The following SUSD4 variants were observed in gnomAD, a reference collection of about 807,000 sequenced individuals.
SUSD4 encodes sushi domain-containing protein 4.
Under a neutral mutation model 50.5 loss-of-function variants are expected in SUSD4, and 41 were observed. That is an observed-to-expected ratio of 0.81 (90% CI 0.63 to 1.05). The LOEUF is 1.05. Among genes scored for constraint, SUSD4 ranks in the 50% least tolerant of loss-of-function variants. The pLI is 0.00. For synonymous variants in SUSD4, 257 were observed against 257.3 expected (o/e 1.00, Z 0.01); for missense variants, 580 against 634.7 (o/e 0.91, Z 0.93).
Position 223,228,182 on chromosome 1 carries a change from C to A in SUSD4, c.917-444G>T, listed in dbSNP as rs188405558. On this transcript the variant is annotated intron_variant, in intron 6 of 8. Coordinates refer to ENST00000366878, the MANE Select transcript of SUSD4 (RefSeq NM_017982.4). ...AGCAAGAAACAGAGGGTAAAGGGGACCCCTGTTCCACAGCTCTCATGCCCT... is the reference window on the plus strand; with the variant it reads ...AGCAAGAAACAGAGGGTAAAGGGGAACCCTGTTCCACAGCTCTCATGCCCT... 1.5e-3 allele frequency among the ~76,000 whole-genome samples: 233 copies of A among 152,234 alleles called. 2 individuals are homozygous for A. Among genetic ancestry groups the A allele is most frequent in the African/African-American group, 5.3e-3 (221 of 41,530 alleles).
intron 1 of SUSD4, 60 bp from the exon 2 acceptor site, chr1:223,363,520 C>G (rs890112756): frequency 7.3e-7 from 1 of 1,368,148 alleles, no homozygotes; most frequent in Non-Finnish European, 9.6e-7. Context: ...GGGCCACGCT[C>G]CCCCTCCTCC....
intron 2 of SUSD4, among the ~76,000 whole-genome samples, chr1:223,338,940 C>T (rs1465644100): frequency 6.6e-6 from 1 of 152,146 alleles, no homozygotes; most frequent in Non-Finnish European, 1.5e-5. Context: ...CATCCAGTTC[C>T]AGGTGGTAAT....
At chr1:223,354,573 C>G (rs566804013) in intron 2 of SUSD4, among the ~76,000 whole-genome samples, 1 of 152,282 alleles carries the variant, frequency 6.6e-6, no homozygotes. Context: ...TAGCCTTCAT[C>G]AGCCACCAAG....
intron 2 of SUSD4, among the ~76,000 whole-genome samples, chr1:223,308,059 C>T (rs1027679487): frequency 1.3e-5 from 2 of 152,092 alleles, no homozygotes. Context: ...ATTTTAAATA[C>T]AAAGTGTTTT....
rs1304944171 is a variant in SUSD4, at chr1:223,227,379, A to G, written c.1061+215T>C. 1.3e-5 allele frequency among the ~76,000 whole-genome samples: 2 copies of G among 152,154 alleles called. No individual in the cohort carries two copies. The highest frequency in any genetic ancestry group is 2.4e-5 in the African/African-American group (1 of 41,426). ...CATGATGCCCACCTGCAAATGGTCT[A>G]CTGCAGGAAGGAGGGAGAGAGGTAG... On this transcript the variant is annotated intron_variant, in intron 7 of 8. Transcript: ENST00000366878. This position sits in a 1 kb window ranked among gnomAD's most constrained non-coding sequence, Gnocchi z 4.5.
At chr1:223,361,285 G>C (rs1668962469) in intron 2 of SUSD4, among the ~76,000 whole-genome samples, 1 of 152,134 alleles carries the variant, frequency 6.6e-6, no homozygotes, top group Admixed American at 6.5e-5. Context: ...TTTATTCATA[G>C]AGGAACTGTG....
chr1:223,332,065 G>A lies in SUSD4; in HGVS notation c.148+31213C>T, dbSNP rs1667206703. 6.6e-6 allele frequency among the ~76,000 whole-genome samples: 1 copy of A among 152,194 alleles called. No homozygotes were observed. Among genetic ancestry groups the A allele is most frequent in the South Asian group, 2.1e-4 (1 of 4,824 alleles). ...TGAACCCGTGCAGAGAAAGCTGAGTGATGGGGCACAGTGTGAGCCTGGTTA... is the reference window on the plus strand; with the variant it reads ...TGAACCCGTGCAGAGAAAGCTGAGTAATGGGGCACAGTGTGAGCCTGGTTA... On this transcript the variant is annotated intron_variant, in intron 2 of 8. Transcript: ENST00000366878. This position sits in a 1 kb window ranked among gnomAD's most constrained non-coding sequence, Gnocchi z 4.0.
At chr1:223,343,331 G>A (rs1318584848) in intron 2 of SUSD4, among the ~76,000 whole-genome samples, 1 of 152,178 alleles carries the variant, frequency 6.6e-6, no homozygotes, top group Non-Finnish European at 1.5e-5. Context: ...TCAAAGCTAA[G>A]TTGCTTTCCT....
intron 2 of SUSD4, among the ~76,000 whole-genome samples, chr1:223,362,041 A>T (rs1469587830): frequency 7.1e-6 from 1 of 141,566 alleles, no homozygotes; most frequent in Non-Finnish European, 1.5e-5. Flanking sequence ...ATTCCTTCTT[A>T]AAAAAAAAAT....
chr1:223,293,744 T>C (rs1353783101), intron 2 of SUSD4, among the ~76,000 whole-genome samples: 1 of 151,602 alleles, frequency 6.6e-6, no homozygotes, highest in Admixed American at 6.6e-5. Context: ...CTGGGATGAA[T>C]GCGGACAAGC....
chr1:223,317,001 T>C (rs1399401454), intron 2 of SUSD4, among the ~76,000 whole-genome samples: 1 of 152,122 alleles, frequency 6.6e-6, no homozygotes, highest in Non-Finnish European at 1.5e-5. Flanking sequence ...CTGATGGAAG[T>C]GTCAGAGGTA....
chr1:223,320,509 C>G (rs570508806), intron 2 of SUSD4, among the ~76,000 whole-genome samples: 1 of 152,220 alleles, frequency 6.6e-6, no homozygotes, highest in East Asian at 1.9e-4. Flanking sequence ...CACAGAGGCC[C>G]CCAAGGACAT....
chr1:223,317,523 C>T (rs1463483035), intron 2 of SUSD4, among the ~76,000 whole-genome samples: 1 of 152,238 alleles, frequency 6.6e-6, no homozygotes, highest in Non-Finnish European at 1.5e-5. Flanking sequence ...GATTGGGACC[C>T]CTTTCCTGGA....
At chr1:223,361,113 T>C (rs961356051) in intron 2 of SUSD4, among the ~76,000 whole-genome samples, 1 of 152,352 alleles carries the variant, frequency 6.6e-6, no homozygotes, top group Non-Finnish European at 1.5e-5. Flanking sequence ...CCCAGGTGAC[T>C]TGTATGCACA....
At chr1:223,236,191 A>G (rs1660207713) in intron 5 of SUSD4, among the ~76,000 whole-genome samples, 2 of 152,218 alleles carry the variant, frequency 1.3e-5, no homozygotes, top group South Asian at 4.1e-4. Flanking sequence ...TTTTAAAATC[A>G]GGTTGTTTGT....
At chr1:223,251,776 G>T (rs1205857967) in intron 5 of SUSD4, among the ~76,000 whole-genome samples, 1 of 152,148 alleles carries the variant, frequency 6.6e-6, no homozygotes, top group Non-Finnish European at 1.5e-5. Flanking sequence ...CCAGTAATGG[G>T]ATGGCTGGGT....
At chr1:223,318,192 ATTT>A (rs1179149466) in intron 2 of SUSD4, among the ~76,000 whole-genome samples, 1 of 26,914 alleles carries the variant, frequency 3.7e-5, no homozygotes, top group African/African-American at 1.4e-4. Context: ...TGAACTCATC[ATTT>A]TTTATGGCTG....
At chr1:223,320,811 A>T (rs946001986) in intron 2 of SUSD4, among the ~76,000 whole-genome samples, 1 of 152,174 alleles carries the variant, frequency 6.6e-6, no homozygotes, top group Non-Finnish European at 1.5e-5. Context: ...ACAAGCCCCA[A>T]GCTGAGGACC....
Position 223,223,123 on chromosome 1 carries a change from T to A in SUSD4, c.1444+126A>T, listed in dbSNP as rs193217898. ...AGAGCATGAAGCAATTTAAGCTGAG[T>A]GAGAGGTAAACAGATTGATTCGACT... On this transcript the variant is annotated intron_variant, in intron 8 of 8. Transcript: ENST00000366878. 30 of 1,332,456 alleles carry A rather than the reference T, an allele frequency of 2.3e-5. No homozygotes were observed. The East Asian group carries it at 6.1e-4, about 27-fold the overall frequency. 82.5% of individuals were successfully genotyped at this position (1,332,456 alleles called of 1,614,324 possible). A position where few individuals can be genotyped will look rare whatever the true frequency, so the allele number is the denominator to read the frequency against.
Sources: gnomAD v4.1 joint callset for allele counts (sites outside exome capture counted in the v4.1 genomes callset) on GRCh38, gnomAD v4.1.1 for gene constraint, Gnocchi (gnomAD v3.1) non-coding constraint, MANE v1.5 for transcripts, NCBI Gene and HGNC (gene_info 2026-07-23, HGNC 2026-07-21) for gene names.